Variants in TNFAIP8L3 observed in about 807,000 individuals in gnomAD.
The protein encoded by TNFAIP8L3 is TNF alpha induced protein 8 like 3.
TNFAIP8L3 carries 7 observed loss-of-function variants against 11.8 expected under a neutral mutation model. The observed-to-expected ratio is 0.59, with a 90% CI of 0.34 to 1.11. The LOEUF (loss-of-function observed/expected upper bound fraction) is 1.11. TNFAIP8L3 is among the 50% of genes most tolerant of loss of function. TNFAIP8L3 has a pLI of 0.03. For synonymous variants in TNFAIP8L3, 98 were observed against 103.8 expected (o/e 0.94, Z 0.34); for missense variants, 219 against 258.6 (o/e 0.85, Z 1.05).
chr15:51,062,558 G>A (rs2065247999), intron 1 of TNFAIP8L3, among the ~76,000 whole-genome samples: 1 of 152,192 alleles, frequency 6.6e-6, no homozygotes, highest in East Asian at 1.9e-4. Flanking sequence ...ACATGTTGTG[G>A]AATGTCTCTG....
At chr15:51,096,891 C>CAAAAAAAAAAAAAAA (rs56057102), upstream of TNFAIP8L3, among the ~76,000 whole-genome samples, 30 of 98,164 alleles carry the variant, frequency 3.1e-4, no homozygotes, top group South Asian at 3.8e-4. Flanking sequence ...CACGCTGTCT[C>CAAAAAAAAAAAAAAA]AAAAAAAAAA....
At chr15:51,103,856 A>T (rs2065570653) in intron 1 of TNFAIP8L3, among the ~76,000 whole-genome samples, 1 of 152,200 alleles carries the variant, frequency 6.6e-6, no homozygotes, top group Admixed American at 6.5e-5. Flanking sequence ...TGTCCTAGGA[A>T]ACAAGCATGT....
chr15:51,070,273 A>G (rs950245732), intron 1 of TNFAIP8L3, among the ~76,000 whole-genome samples: 1 of 152,234 alleles, frequency 6.6e-6, no homozygotes, highest in Non-Finnish European at 1.5e-5. Flanking sequence ...CTCACTGCAG[A>G]AAAGTAACCA....
chr15:51,100,294 A>C (rs754011753), intron 1 of TNFAIP8L3, among the ~76,000 whole-genome samples: 1 of 152,206 alleles, frequency 6.6e-6, no homozygotes, highest in Non-Finnish European at 1.5e-5. Context: ...AATCCTACCC[A>C]GTGAGCTTTG....
chr15:51,075,532 G>A (rs1265635287), intron 1 of TNFAIP8L3, among the ~76,000 whole-genome samples: 2 of 152,122 alleles, frequency 1.3e-5, no homozygotes, highest in African/African-American at 4.8e-5. Context: ...CTCTCTGCTG[G>A]CAGCTCCCAA....
At chr15:51,099,847 T>G (rs958303233), upstream of TNFAIP8L3, among the ~76,000 whole-genome samples, 5 of 152,110 alleles carry the variant, frequency 3.3e-5, no homozygotes, top group African/African-American at 1.2e-4. Context: ...CTAGAGTCTT[T>G]GTGGTTTTCA....
chr15:51,075,627 A>G (rs1475235552), intron 1 of TNFAIP8L3, among the ~76,000 whole-genome samples: 2 of 152,246 alleles, frequency 1.3e-5, no homozygotes, highest in African/African-American at 4.8e-5. Context: ...TGCCACATTC[A>G]GAGCCATGGG....
upstream of TNFAIP8L3, among the ~76,000 whole-genome samples, chr15:51,095,268 G>A (rs2065505899): frequency 2.0e-5 from 1 of 50,338 alleles, no homozygotes; most frequent in Non-Finnish European, 3.9e-5. Flanking sequence ...AGGGAGCGGG[G>A]AATAAGGGAA....
At chr15:51,088,389 C>T (rs2065444607) in intron 1 of TNFAIP8L3, among the ~76,000 whole-genome samples, 1 of 152,192 alleles carries the variant, frequency 6.6e-6, no homozygotes, top group Non-Finnish European at 1.5e-5. Context: ...TTCCAAATCA[C>T]ATTGCCCTAT....
intron 1 of TNFAIP8L3, among the ~76,000 whole-genome samples, chr15:51,063,225 A>T (rs1415510145): frequency 6.6e-6 from 1 of 152,222 alleles, no homozygotes; most frequent in Non-Finnish European, 1.5e-5. Flanking sequence ...AGCAATAGGA[A>T]ATGTATTCAG....
chr15:51,101,550 G>A (rs957391380), intron 1 of TNFAIP8L3, among the ~76,000 whole-genome samples: 1 of 151,828 alleles, frequency 6.6e-6, no homozygotes, highest in Non-Finnish European at 1.5e-5. Flanking sequence ...GAACCCGGGA[G>A]GTTGAGGTTG....
At chr15:51,068,380 G>C (rs894857187) in intron 1 of TNFAIP8L3, among the ~76,000 whole-genome samples, 2 of 152,134 alleles carry the variant, frequency 1.3e-5, no homozygotes, top group Non-Finnish European at 2.9e-5. Context: ...AGCCTGTCTA[G>C]CAGGACACTT....
In TNFAIP8L3 at chr15:51,094,840, G is replaced by A. The variant is rs1366170745; in HGVS notation, c.-245C>T. On this transcript the variant is annotated 5_prime_UTR_variant, in exon 1 of 2. Transcript: ENST00000637513. This position sits in a 1 kb window ranked among gnomAD's most constrained non-coding sequence, Gnocchi z 4.4. The stretch of plus-strand genomic sequence containing the variant: ...GAGGCGAGCGCAGGGCGGAGGGTGG[G>A]GCGCTCCGGGAGACAGCCGGGAGGA... The A allele has an allele frequency of 4.9e-6, 2 of 404,434 alleles. No homozygotes were observed. The highest frequency in any genetic ancestry group is 6.7e-6 in the Non-Finnish European group (2 of 300,322). 25.1% of individuals were successfully genotyped at this position (404,434 alleles called of 1,614,324 possible).
chr15:51,094,566 C>T lies in TNFAIP8L3; in HGVS notation c.30G>A (p.Glu10=), dbSNP rs1363242192. ...TACCTGCGGCGGTCACGGGCTCGCC[C>T]TCGCTCTGCTCCCCGGAATCCGAAT... is the stretch of plus-strand genomic sequence containing the variant. The part of the protein sequence containing the change: MDSDSGEQS[E]GEPVTAAGPD... Residue 10 remains glutamate (E), a synonymous_variant, in exon 1 of 2, where the codon GAG becomes GAA. Transcript: ENST00000637513. This position sits in a 1 kb window ranked among gnomAD's most constrained non-coding sequence, Gnocchi z 4.4. The T allele has an allele frequency of 1.5e-5, 23 of 1,502,854 alleles. No homozygotes were observed. Among genetic ancestry groups the T allele is most frequent in the Non-Finnish European group, 1.9e-5 (21 of 1,130,756 alleles). The allele number at this position is 1,502,854 out of a possible 1,614,324, so 93.1% of individuals were successfully genotyped here. A position where few individuals can be genotyped will look rare whatever the true frequency, so the allele number is the denominator to read the frequency against.
At chr15:51,089,296 A>G (rs2065450363) in intron 1 of TNFAIP8L3, among the ~76,000 whole-genome samples, 3 of 152,188 alleles carry the variant, frequency 2.0e-5, no homozygotes, top group African/African-American at 7.2e-5. Context: ...CTTAGGGGAC[A>G]TGGGTGGCAT....
At chr15:51,093,636 C>G (rs1466031721) in intron 1 of TNFAIP8L3, among the ~76,000 whole-genome samples, 1 of 152,076 alleles carries the variant, frequency 6.6e-6, no homozygotes, top group East Asian at 1.9e-4. Flanking sequence ...GGTCTGCAGG[C>G]CCACAGCTAA....
chr15:51,068,860 G>A (rs1055933474), intron 1 of TNFAIP8L3, among the ~76,000 whole-genome samples: 2 of 151,908 alleles, frequency 1.3e-5, no homozygotes, highest in African/African-American at 4.8e-5. Context: ...TAGAGATGGG[G>A]TTTCACCAGG....
At chr15:51,104,988 C>T in intron 1 of TNFAIP8L3, 2 of 1,614,116 alleles carry the variant, frequency 1.2e-6, no homozygotes, top group Non-Finnish European at 1.7e-6. Flanking sequence ...TCTGCCAGTT[C>T]CTGAGCCAGT....
At chr15:51,069,380 T>C (rs1377856592) in intron 1 of TNFAIP8L3, 1 of 152,248 alleles carries the variant, frequency 6.6e-6, no homozygotes, top group Non-Finnish European at 1.5e-5. Context: ...ACAAAAGCAA[T>C]GGCAGTCAAA....
Sources: allele counts gnomAD v4.1 joint callset (sites outside exome capture counted in the v4.1 genomes callset), GRCh38; gene constraint gnomAD v4.1.1; non-coding constraint Gnocchi (gnomAD v3.1); transcripts MANE v1.5; gene names NCBI Gene and HGNC (gene_info 2026-07-23, HGNC 2026-07-21).